ABCC12: variants seen among roughly 807,000 people sequenced by gnomAD.
ABCC12 encodes the protein ATP binding cassette subfamily C member 12.
A neutral mutation model predicts 151.1 loss-of-function variants in ABCC12; 142 were observed. The ratio of observed to expected loss-of-function variants is 0.94; its 90% CI spans 0.82 to 1.08. ABCC12 has a LOEUF of 1.08. ABCC12 is among the 50% of genes least tolerant of loss of function. The probability of loss-of-function intolerance (pLI) is 0.00; values close to 1 mark genes in which losing one functional copy is unlikely to be tolerated. For synonymous variants in ABCC12, 645 were observed against 646.4 expected, an observed-to-expected ratio of 1.00 and a Z score of 0.03; for missense variants, 1,638 against 1,691.1, an observed-to-expected ratio of 0.97 and a Z score of 0.55.
intron 6 of ABCC12, 62 bp downstream of exon 6, chr16:48,140,625 C>T: frequency 6.7e-7 from 1 of 1,490,338 alleles, no homozygotes; most frequent in Non-Finnish European, 9.3e-7. Flanking sequence ...ATCCACATCT[C>T]ACATGCACTC....
rs1209422242 is a variant in ABCC12, at chr16:48,121,832, C to A, written c.1596G>T (p.Leu532=). The change falls in exon 13 of 31, where the codon CTG becomes CTT. Residue 532 remains leucine (L), a synonymous_variant. Coordinates refer to ENST00000311303, the MANE Select transcript of ABCC12 (RefSeq NM_001393797.1). Reference sequence around the variant, plus strand: ...CATTGACTGCCACCACCCCTTTCTGCAGCTGCATCTGGAACAACAAGACGG... The same window carrying A: ...CATTGACTGCCACCACCCCTTTCTGAAGCTGCATCTGGAACAACAAGACGG... The part of the protein sequence containing the change: ...LLAALLGQMQ[L]QKGVVAVNGT... 3 of 1,614,054 alleles carry A rather than the reference C, an allele frequency of 1.9e-6. No homozygotes were observed. The highest frequency in any genetic ancestry group is 2.2e-5 in the East Asian group (1 of 44,902).
intron 23 of ABCC12, among the ~76,000 whole-genome samples, chr16:48,098,654 A>G (rs1176587683): frequency 1.3e-5 from 2 of 152,270 alleles, no homozygotes; most frequent in African/African-American, 4.8e-5. Context: ...GTGGTTGGTT[A>G]GATTGCATAG....
chr16:48,128,969 C>T (rs1020883392), intron 10 of ABCC12, among the ~76,000 whole-genome samples: 13 of 152,250 alleles, frequency 8.5e-5, no homozygotes, highest in African/African-American at 3.1e-4. Context: ...GGGTCACCCA[C>T]ACTGGAGAAT....
In ABCC12 at chr16:48,086,810, C is replaced by T. The variant is rs1962628505; in HGVS notation, c.3645G>A (p.Leu1215=). The T allele has an allele frequency of 6.2e-7, 1 of 1,612,962 alleles. No homozygotes were observed. The highest frequency in any genetic ancestry group is 1.7e-5 in the Admixed American group (1 of 60,004). ...VLFVGTVRYN[L]DPFESHTDEM... is the part of the protein sequence containing the mutation. ...CATCGGTGTGACTCTCAAAGGGATCCAAGTTGTACCTGCAATGAAGGAGAG... is the reference window on the plus strand; with the variant it reads ...CATCGGTGTGACTCTCAAAGGGATCTAAGTTGTACCTGCAATGAAGGAGAG... Residue 1215 remains leucine (L), a synonymous_variant, in exon 28 of 31, where the codon TTG becomes TTA. Transcript: ENST00000311303.
chr16:48,136,369 C>T (rs1232011526), intron 8 of ABCC12, among the ~76,000 whole-genome samples: 1 of 152,202 alleles, frequency 6.6e-6, no homozygotes, highest in Non-Finnish European at 1.5e-5. Flanking sequence ...CATTCCCAGT[C>T]TCCCCAACCC....
At chr16:48,148,228 G>T (rs185436401) in intron 2 of ABCC12, among the ~76,000 whole-genome samples, 1 of 143,470 alleles carries the variant, frequency 7.0e-6, no homozygotes, top group African/African-American at 2.7e-5. Flanking sequence ...GATTACAGGC[G>T]TGAGTCACCA....
At chr16:48,125,030 G>T (rs1257663081) in intron 11 of ABCC12, among the ~76,000 whole-genome samples, 1 of 152,204 alleles carries the variant, frequency 6.6e-6, no homozygotes, top group Non-Finnish European at 1.5e-5. Flanking sequence ...AGGCTTGGGG[G>T]TACAAGGAAA....
At chr16:48,140,155 C>G (rs1964755444) in intron 6 of ABCC12, among the ~76,000 whole-genome samples, 1 of 152,106 alleles carries the variant, frequency 6.6e-6, no homozygotes, top group Non-Finnish European at 1.5e-5. Context: ...TACCCCACAC[C>G]ACCTGGGGTT....
At position 48,111,441 on chromosome 16, in the gene ABCC12, G is replaced by C; in HGVS notation, c.2276C>G (p.Thr759Arg). 1 of 1,614,076 alleles carries C rather than the reference G, an allele frequency of 6.2e-7. No homozygotes were observed. ...AGGGGATGTGTGGTAAATACCTTTTGTGTCTACAAATTCTGAGCCTGTTTC... is the reference window on the plus strand; with the variant it reads ...AGGGGATGTGTGGTAAATACCTTTTCTGTCTACAAATTCTGAGCCTGTTTC... ...ESETGSEFVD[T>R]KVPEHQLIQT... is the part of the protein sequence containing the mutation. The change falls in exon 18 of 31, where the codon ACA becomes AGA. Residue 759 changes from threonine to arginine, a missense_variant. Coordinates refer to ENST00000311303, the MANE Select transcript of ABCC12 (RefSeq NM_001393797.1).
intron 24 of ABCC12, among the ~76,000 whole-genome samples, chr16:48,094,708 C>T (rs1182045657): frequency 6.6e-6 from 1 of 151,886 alleles, no homozygotes; most frequent in Non-Finnish European, 1.5e-5. Context: ...ATTGGGCTCT[C>T]TGAATAGTCC....
intron 19 of ABCC12, among the ~76,000 whole-genome samples, 168 bp from the exon 20 acceptor site, chr16:48,107,593 C>T (rs1198866788): frequency 6.6e-6 from 1 of 152,170 alleles, no homozygotes. Flanking sequence ...GTGTTGGGAC[C>T]CTGAACTGTG....
At chr16:48,123,517 C>A (rs748317345) in intron 12 of ABCC12, among the ~76,000 whole-genome samples, 3 of 152,192 alleles carry the variant, frequency 2.0e-5, no homozygotes, top group Admixed American at 6.5e-5. Flanking sequence ...TCAGAAGTAC[C>A]CCGACCTCTT....
chr16:48,102,442 T>C (rs912463412), intron 22 of ABCC12, among the ~76,000 whole-genome samples: 3 of 152,246 alleles, frequency 2.0e-5, no homozygotes, highest in African/African-American at 2.4e-5. Context: ...TCTGCTTTTG[T>C]TGCTTCTTTC....
chr16:48,134,017 T>C (rs1243629157), intron 8 of ABCC12, among the ~76,000 whole-genome samples, 182 bp from the exon 9 acceptor site: 2 of 152,128 alleles, frequency 1.3e-5, no homozygotes, highest in African/African-American at 4.8e-5. Context: ...CACAGCTCGG[T>C]ACCTGTCAGC....
In ABCC12 at chr16:48,143,241, T is replaced by A. The variant is rs1253519060; in HGVS notation, c.275+669A>T. 2.0e-5 allele frequency among the ~76,000 whole-genome samples: 3 copies of A among 152,224 alleles called. 1 individual carries two copies. The highest frequency in any genetic ancestry group is 1.3e-4 in the Admixed American group (2 of 15,280). On this transcript the variant is annotated intron_variant, in intron 4 of 30. Transcript: ENST00000311303. ...AGTGAGATTCCAGCCACCTCTGTCC[T>A]GATGCGGTGCCCCTGCAAACCAGCT...
intron 20 of ABCC12, among the ~76,000 whole-genome samples, chr16:48,105,810 G>A (rs985216673): frequency 1.3e-5 from 2 of 152,166 alleles, no homozygotes; most frequent in Non-Finnish European, 2.9e-5. Flanking sequence ...AGGGCAACTC[G>A]GGGGGCTTCT....
chr16:48,086,417 C>T, intron 28 of ABCC12: 1 of 249,560 alleles, frequency 4.0e-6, no homozygotes, highest in South Asian at 7.1e-5. Flanking sequence ...CATCCTGCTA[C>T]TCACTAGCCT....
At chr16:48,135,054 A>G (rs192094722) in intron 8 of ABCC12, among the ~76,000 whole-genome samples, 2,369 of 151,784 alleles carry the variant, frequency 0.016, 210 homozygotes, top group Admixed American at 0.14. Context: ...TGTCTCAAAA[A>G]AAAAAAAAAA....
intron 4 of ABCC12, among the ~76,000 whole-genome samples, chr16:48,143,282 G>T (rs1964881971): frequency 6.6e-6 from 1 of 152,178 alleles, no homozygotes; most frequent in Admixed American, 6.5e-5. Context: ...TCAGCCAGAA[G>T]GGTCCTGAGC....
Sources: gnomAD v4.1 joint callset for allele counts (sites outside exome capture counted in the v4.1 genomes callset) on GRCh38, gnomAD v4.1.1 for gene constraint, MANE v1.5 for transcripts, NCBI Gene and HGNC (gene_info 2026-07-23, HGNC 2026-07-21) for gene names.